CSGALNACT1: variants seen among roughly 807,000 people sequenced by gnomAD.
The protein encoded by CSGALNACT1 is chondroitin sulfate N-acetylgalactosaminyltransferase 1.
In CSGALNACT1, 52 loss-of-function variants were observed where a neutral mutation model predicts 51.0. The ratio of observed to expected loss-of-function variants is 1.02; its 90% CI spans 0.82 to 1.29. The LOEUF (loss-of-function observed/expected upper bound fraction) is 1.29, where lower values mean the gene tolerates loss of function less well. Among genes scored for constraint, CSGALNACT1 ranks in the 50% most tolerant of loss-of-function variants. CSGALNACT1 has a pLI of 0.00. For missense variants in CSGALNACT1, 935 were observed against 679.2 expected, an observed-to-expected ratio of 1.38 and a Z score of -4.19; for synonymous variants, 341 against 254.4, an observed-to-expected ratio of 1.34 and a Z score of -3.24.
chr8:19,679,949 AT>A (rs1347133525), intron 1 of CSGALNACT1, among the ~76,000 whole-genome samples: 2 of 152,204 alleles, frequency 1.3e-5, no homozygotes, highest in African/African-American at 4.8e-5. Context: ...CTTAGAGTAG[AT>A]TCAATTCATT....
At chr8:19,407,933 G>C (rs202056288) in intron 9 of CSGALNACT1, among the ~76,000 whole-genome samples, 4,369 of 143,046 alleles carry the variant, frequency 0.031, 100 homozygotes, top group Non-Finnish European at 0.045. Context: ...GTGTGTGTGT[G>C]TGTGTGTGTG....
upstream of CSGALNACT1, among the ~76,000 whole-genome samples, chr8:19,686,560 G>A (rs916444564): frequency 6.0e-5 from 9 of 150,386 alleles, no homozygotes; most frequent in African/African-American, 2.2e-4. Flanking sequence ...CTCCTACCAA[G>A]ACTACACATA....
chr8:19,431,295 T>C (rs1373734004), intron 6 of CSGALNACT1, among the ~76,000 whole-genome samples: 2 of 152,112 alleles, frequency 1.3e-5, no homozygotes, highest in African/African-American at 2.4e-5. Flanking sequence ...ATGTTTTTCA[T>C]AGATGGTTTT....
At chr8:19,499,135 A>G (rs2075993461) in intron 4 of CSGALNACT1, among the ~76,000 whole-genome samples, 1 of 152,108 alleles carries the variant, frequency 6.6e-6, no homozygotes. Context: ...AAACAAACAA[A>G]CAGAACAAAA....
upstream of CSGALNACT1, among the ~76,000 whole-genome samples, chr8:19,604,313 A>C (rs186913519): frequency 2.6e-5 from 4 of 152,340 alleles, no homozygotes; most frequent in Non-Finnish European, 5.9e-5. Flanking sequence ...TATAGGAAGA[A>C]AAGAGAAGGA....
In CSGALNACT1 at chr8:19,473,129, A is replaced by G. The variant is rs567056885; in HGVS notation, c.635-14487T>C. On this transcript the variant is annotated intron_variant, in intron 4 of 9. Coordinates refer to ENST00000454498, the Ensembl canonical transcript of CSGALNACT1. ...CAGAATGCAATTGCTAGTTTTTTCA[A>G]GTCGCCACTGTGGACCCAGAGATGT... Among the ~76,000 whole-genome samples, 4 of 152,312 alleles carry G rather than the reference A, an allele frequency of 2.6e-5. No homozygotes were observed. The East Asian group carries it at 5.8e-4, about 22-fold the overall frequency.
In CSGALNACT1 at chr8:19,722,661, G is replaced by A. The variant is rs570876491; in HGVS notation, c.-297+35189C>T. Among the ~76,000 whole-genome samples, 159 of 152,296 alleles carry A rather than the reference G, an allele frequency of 1.0e-3. 1 individual carries two copies. Among genetic ancestry groups the A allele is most frequent in the Middle Eastern group, 3.4e-3 (1 of 294 alleles). On this transcript the variant is annotated intron_variant, in intron 1 of 1. Transcript: ENST00000517494. The stretch of plus-strand genomic sequence containing the variant: ...ACTCTGCAGGGGACCTCACAGCCCT[G>A]GCGCATTGACCAGAGTCATGGATGG...
intron 5 of CSGALNACT1, among the ~76,000 whole-genome samples, chr8:19,444,379 C>T (rs1388299817): frequency 6.6e-6 from 1 of 152,166 alleles, no homozygotes; most frequent in African/African-American, 2.4e-5. Flanking sequence ...GGAATATTTC[C>T]AGTCCTTGAT....
intron 3 of CSGALNACT1, among the ~76,000 whole-genome samples, chr8:19,522,099 G>T (rs934864219): frequency 1.3e-5 from 2 of 152,286 alleles, no homozygotes; most frequent in East Asian, 1.9e-4. Context: ...GCACAGAAAG[G>T]CTTGTCTTAT....
intron 1 of CSGALNACT1, among the ~76,000 whole-genome samples, chr8:19,661,105 G>A (rs982127094): frequency 2.6e-5 from 4 of 151,164 alleles, no homozygotes; most frequent in African/African-American, 4.9e-5. Context: ...TAGTAGAGAC[G>A]GGATTTCACC....
intron 2 of CSGALNACT1, among the ~76,000 whole-genome samples, chr8:19,591,578 G>A (rs2047824831): frequency 6.6e-6 from 1 of 152,178 alleles, no homozygotes; most frequent in Non-Finnish European, 1.5e-5. Context: ...AGAAAGGAGA[G>A]TTAAAGAATG....
chr8:19,563,466 G>C (rs2041238068), intron 3 of CSGALNACT1, among the ~76,000 whole-genome samples: 1 of 152,144 alleles, frequency 6.6e-6, no homozygotes, highest in Non-Finnish European at 1.5e-5. Context: ...ATTTTCAGCA[G>C]AGACAACTGG....
intron 3 of CSGALNACT1, among the ~76,000 whole-genome samples, chr8:19,545,642 A>C (rs2086287134): frequency 1.3e-5 from 2 of 152,044 alleles, no homozygotes; most frequent in South Asian, 4.1e-4. Context: ...CTAAAAAGAT[A>C]AAGTAGTAAA....
intron 6 of CSGALNACT1, among the ~76,000 whole-genome samples, chr8:19,429,530 T>A (rs1023286637): frequency 6.6e-6 from 1 of 152,236 alleles, no homozygotes; most frequent in African/African-American, 2.4e-5. Context: ...GTTTTTGAGG[T>A]TCATCCCATT....
chr8:19,615,389 G>T (rs1012957922), intron 1 of CSGALNACT1, among the ~76,000 whole-genome samples: 5 of 152,216 alleles, frequency 3.3e-5, no homozygotes, highest in African/African-American at 1.2e-4. Flanking sequence ...CTTATTCCAA[G>T]AATGCTCGTG....
At chr8:19,557,138 C>T (rs879492419) in intron 3 of CSGALNACT1, among the ~76,000 whole-genome samples, 5 of 152,154 alleles carry the variant, frequency 3.3e-5, no homozygotes, top group Non-Finnish European at 7.3e-5. Flanking sequence ...CACCCCAGAT[C>T]CAATTCTGTA....
At chr8:19,555,006 G>T (rs1188490177) in intron 3 of CSGALNACT1, among the ~76,000 whole-genome samples, 5 of 151,398 alleles carry the variant, frequency 3.3e-5, no homozygotes, top group Admixed American at 3.3e-4. Context: ...TAGGGACGCC[G>T]AGCGGGGGTG....
intron 4 of CSGALNACT1, among the ~76,000 whole-genome samples, chr8:19,481,968 T>C (rs192289734): frequency 2.6e-5 from 4 of 152,306 alleles, no homozygotes; most frequent in Admixed American, 2.0e-4. Flanking sequence ...GGCTTTTTTT[T>C]CCATATACTG....
At chr8:19,619,766 C>T (rs2053578974) in intron 1 of CSGALNACT1, among the ~76,000 whole-genome samples, 1 of 152,096 alleles carries the variant, frequency 6.6e-6, no homozygotes. Flanking sequence ...GTTCCAAATA[C>T]TGAATAAACA....
Sources: allele counts gnomAD v4.1 joint callset (sites outside exome capture counted in the v4.1 genomes callset), GRCh38; gene constraint gnomAD v4.1.1; transcripts MANE v1.5; gene names NCBI Gene and HGNC (gene_info 2026-07-23, HGNC 2026-07-21).